The following PTPRS variants were observed in gnomAD, a reference collection of about 807,000 sequenced individuals.
PTPRS encodes receptor-type tyrosine-protein phosphatase S.
In PTPRS, 63 loss-of-function variants were observed where a neutral mutation model predicts 215.3. The ratio of observed to expected loss-of-function variants is 0.29; its 90% CI spans 0.24 to 0.36. PTPRS has a LOEUF of 0.36. Ranked by LOEUF, PTPRS falls within the 10% of genes least tolerant of loss-of-function variation. PTPRS has a pLI of 1.00. For synonymous variants in PTPRS, 1,404 were observed against 1,191.4 expected (o/e 1.18, Z -3.68); for missense variants, 2,258 against 2,825.8 (o/e 0.80, Z 4.56).
At chr19:5,261,099 G>A (rs1659502896) in intron 6 of PTPRS, among the ~76,000 whole-genome samples, 1 of 152,130 alleles carries the variant, frequency 6.6e-6, no homozygotes, top group African/African-American at 2.4e-5. Context: ...GAGTCTAGAA[G>A]CCTCTCTGGA....
chr19:5,282,660 A>G (rs1484045119), intron 2 of PTPRS, among the ~76,000 whole-genome samples: 1 of 152,056 alleles, frequency 6.6e-6, no homozygotes, highest in Non-Finnish European at 1.5e-5. Flanking sequence ...AAAATTAGCC[A>G]GGCCTGGTGG....
chr19:5,314,410 T>C (rs1600104354), intron 1 of PTPRS, among the ~76,000 whole-genome samples: 2 of 152,266 alleles, frequency 1.3e-5, no homozygotes, highest in African/African-American at 4.8e-5. Flanking sequence ...CTTATCTTGT[T>C]TGAGCCCCTG....
chr19:5,223,657 G>C (rs2042217987), intron 17 of PTPRS, among the ~76,000 whole-genome samples: 3 of 112,044 alleles, frequency 2.7e-5, no homozygotes, highest in South Asian at 2.3e-4. Flanking sequence ...CTGCCTCCCG[G>C]GTTCAAGGGA....
chr19:5,209,546 T>A (rs1000160858), intron 35 of PTPRS, among the ~76,000 whole-genome samples: 2 of 152,238 alleles, frequency 1.3e-5, no homozygotes, highest in Non-Finnish European at 2.9e-5. Flanking sequence ...TTCCTCAATC[T>A]TGTACCACCC....
rs750655279 is a variant in PTPRS at position 5,240,257 on chromosome 19, C to G, written c.1646G>C (p.Arg549Pro). The G allele has an allele frequency of 1.3e-6, 2 of 1,586,626 alleles. No individual in the cohort carries two copies. Among genetic ancestry groups the G allele is most frequent in the Non-Finnish European group, 1.7e-6 (2 of 1,167,834 alleles). The change falls in exon 12 of 38, where the codon CGG becomes CCG. Residue 549 changes from arginine (R) to proline (P), a missense_variant. Arg to Pro is a moderately radical substitution (Grantham distance 103, BLOSUM62 -2). This residue lies in a region of PTPRS where 508 missense variants were observed against 799.4 expected (regional missense o/e 0.64). Coordinates refer to ENST00000262963, the MANE Select transcript of PTPRS (RefSeq NM_002850.4). Reference protein sequence around the residue: ...TSITLSWSPPRQESIIKYELL... With the variant: ...TSITLSWSPPPQESIIKYELL... ...CTCGTACTTGATGATACTCTCCTGC[C>G]GCGGGGGGCTCCAGGACAGCGTGAT... is the stretch of plus-strand genomic sequence containing the variant.
rs577498052 is a variant in PTPRS, at chr19:5,216,702, A to C, written c.4096+18T>G. ...GGGCGGGGGCGAAAGGAAGCCAAAA[A>C]CAGACACAAGAACTAACTTTCAAAG... On this transcript the variant is annotated intron_variant, in intron 26 of 37. Transcript: ENST00000262963. 1 of 1,545,454 alleles carries C rather than the reference A, an allele frequency of 6.5e-7. No individual in the cohort carries two copies. The highest frequency in any genetic ancestry group is 2.4e-5 in the East Asian group (1 of 41,826).
chr19:5,285,293 C>T (rs542709223), intron 2 of PTPRS, among the ~76,000 whole-genome samples: 1 of 152,334 alleles, frequency 6.6e-6, no homozygotes, highest in South Asian at 2.1e-4. Context: ...TCCCCTATGT[C>T]CTCATGGGCC....
intron 1 of PTPRS, among the ~76,000 whole-genome samples, chr19:5,313,969 A>G (rs1308916044): frequency 6.6e-6 from 1 of 151,022 alleles, no homozygotes; most frequent in Admixed American, 6.6e-5. Context: ...AATAATAATA[A>G]TAAATAAAAG....
At chr19:5,225,631 G>A in intron 17 of PTPRS, 96 bp downstream of exon 17, 1 of 1,079,626 alleles carries the variant, frequency 9.3e-7, no homozygotes, top group South Asian at 1.3e-5. Flanking sequence ...TGCACCCTCT[G>A]CCTGCCCTTG....
Position 5,222,780 on chromosome 19 carries a change from C to G in PTPRS, c.3012G>C (p.Thr1004=), listed in dbSNP as rs765330137. The change falls in exon 18 of 38, where the codon ACG becomes ACC. Residue 1004 remains threonine, a synonymous_variant. Coordinates refer to ENST00000262963, the MANE Select transcript of PTPRS (RefSeq NM_002850.4). ...ALTLQGLKPD[T]AYDLQVRAHT... is the part of the protein sequence containing the mutation. ...GGGCTCGCACTTGGAGGTCATAGGC[C>G]GTGTCGGGCTTCAGGCCCTGCAGCG... 1.3e-6 allele frequency: 2 copies of G among 1,598,702 alleles called. No homozygotes were observed. The highest frequency in any genetic ancestry group is 4.5e-5 in the East Asian group (2 of 44,768).
At chr19:5,224,866 CT>C (rs1195629885) in intron 17 of PTPRS, among the ~76,000 whole-genome samples, 6 of 152,028 alleles carry the variant, frequency 3.9e-5, no homozygotes, top group Non-Finnish European at 8.8e-5. Flanking sequence ...GCTGGGAGGC[CT>C]GAAAGGTGGG....
intron 18 of PTPRS, 22 bp downstream of exon 18, chr19:5,222,667 G>T: frequency 6.5e-7 from 1 of 1,534,816 alleles, no homozygotes; most frequent in Non-Finnish European, 8.7e-7. Flanking sequence ...CGGCTCTGGT[G>T]CAGGGGTCGC....
At chr19:5,216,660 A>G in intron 26 of PTPRS, 60 bp downstream of exon 26, 2 of 1,358,238 alleles carry the variant, frequency 1.5e-6, no homozygotes, top group Non-Finnish European at 2.1e-6. Flanking sequence ...TGGAGAAACC[A>G]AAGAGGAAAT....
intron 3 of PTPRS, 139 bp from the exon 4 acceptor site, chr19:5,273,722 G>A: frequency 1.9e-6 from 2 of 1,079,106 alleles, no homozygotes; most frequent in Non-Finnish European, 2.6e-6. Context: ...ATTGCTGCAG[G>A]CTGAATGTGC....
intron 22 of PTPRS, 64 bp downstream of exon 22, chr19:5,219,875 G>T: frequency 6.5e-7 from 1 of 1,540,324 alleles, no homozygotes; most frequent in Non-Finnish European, 8.9e-7. Flanking sequence ...CAGGGCCCTG[G>T]GGAATGGGGT....
chr19:5,217,645 G>T (rs1039785735), intron 25 of PTPRS, among the ~76,000 whole-genome samples: 1 of 152,194 alleles, frequency 6.6e-6, no homozygotes, highest in Non-Finnish European at 1.5e-5. Flanking sequence ...ATCTTCATTT[G>T]GTTGGAAAAT....
At chr19:5,291,916 C>A (rs1290551250) in intron 1 of PTPRS, among the ~76,000 whole-genome samples, 2 of 151,998 alleles carry the variant, frequency 1.3e-5, no homozygotes, top group African/African-American at 2.4e-5. Flanking sequence ...TGATCCCCCC[C>A]ACTTGTGGCC....
rs2040298968 is a variant in PTPRS at position 5,205,546 on chromosome 19, CAT to C, written c.*1226_*1227del. Among the ~76,000 whole-genome samples the C allele has an allele frequency of 6.6e-6, 1 of 152,212 alleles. No individual in the cohort carries two copies. The highest frequency in any genetic ancestry group is 1.5e-5 in the Non-Finnish European group (1 of 68,038). On this transcript the variant is annotated 3_prime_UTR_variant, in exon 38 of 38. Transcript: ENST00000262963. ...CTTTAATACAAAGTCGATATATCTA[CAT>C]ACACGGGGGTGGGAAAACCACCCGG... is the stretch of plus-strand genomic sequence containing the variant.
At chr19:5,206,953 C>G in intron 37 of PTPRS, 111 bp from the exon 38 acceptor site, 1 of 945,328 alleles carries the variant, frequency 1.1e-6, no homozygotes, top group Non-Finnish European at 1.7e-6. Flanking sequence ...GTGTCTCTTG[C>G]AGAAGGTCTC....
Sources: allele counts gnomAD v4.1 joint callset (sites outside exome capture counted in the v4.1 genomes callset), GRCh38; gene constraint gnomAD v4.1.1; regional missense constraint gnomAD v4.1.1; transcripts MANE v1.5; gene names NCBI Gene and HGNC (gene_info 2026-07-23, HGNC 2026-07-21).